The following HMCN1 variants were observed in gnomAD, a reference collection of about 807,000 sequenced individuals.
HMCN1 encodes hemicentin 1.
HMCN1 carries 321 observed loss-of-function variants against 625.9 expected under a neutral mutation model. That is an observed-to-expected ratio of 0.51 (90% CI 0.47 to 0.56). The LOEUF (loss-of-function observed/expected upper bound fraction) is 0.56, where lower values mean the gene tolerates loss of function less well. Among genes scored for constraint, HMCN1 ranks in the 20% least tolerant of loss-of-function variants. The pLI is 0.00. For missense variants in HMCN1, 6,588 were observed against 6,887.3 expected (o/e 0.96, Z 1.54); for synonymous variants, 2,425 against 2,417.6 (o/e 1.00, Z -0.09).
chr1:185,951,698 C>T (rs145269386), intron 11 of HMCN1, among the ~76,000 whole-genome samples: 17,014 of 149,996 alleles, frequency 0.11, 2,218 homozygotes, highest in African/African-American at 0.36. Context: ...TGGGACGTGG[C>T]TTAGGAGGAA....
chr1:185,745,699 A>C (rs1654343640), intron 1 of HMCN1, among the ~76,000 whole-genome samples: 1 of 152,210 alleles, frequency 6.6e-6, no homozygotes, highest in South Asian at 2.1e-4. Context: ...AATTTATCAA[A>C]GTCTCTCTGT....
At chr1:185,822,730 G>A (rs1377382585) in intron 1 of HMCN1, among the ~76,000 whole-genome samples, 2 of 152,112 alleles carry the variant, frequency 1.3e-5, no homozygotes, top group Admixed American at 6.5e-5. Context: ...TGCATCCAAA[G>A]TAAGTAGTTT....
intron 4 of HMCN1, among the ~76,000 whole-genome samples, chr1:185,881,615 G>A (rs1156631691): frequency 6.6e-6 from 1 of 152,098 alleles, no homozygotes; most frequent in Non-Finnish European, 1.5e-5. Context: ...TTTTGGCTTG[G>A]GATTTTTGCT....
chr1:185,982,068 C>G (rs898949758), intron 17 of HMCN1, among the ~76,000 whole-genome samples, 194 bp from the exon 18 acceptor site: 1 of 152,140 alleles, frequency 6.6e-6, no homozygotes, highest in Non-Finnish European at 1.5e-5. Context: ...ATTACCTGTC[C>G]TTTTGCATTC....
chr1:185,845,665 CT>C (rs1337617714), intron 1 of HMCN1, among the ~76,000 whole-genome samples: 1 of 152,216 alleles, frequency 6.6e-6, no homozygotes. Context: ...GTTGGGCAGA[CT>C]GAATTATAGA....
chr1:186,052,653 C>G (rs770691624), intron 42 of HMCN1, among the ~76,000 whole-genome samples: 1 of 151,880 alleles, frequency 6.6e-6, no homozygotes, highest in Non-Finnish European at 1.5e-5. Context: ...TATCTTGCAT[C>G]AAATATACAT....
intron 1 of HMCN1, among the ~76,000 whole-genome samples, chr1:185,789,138 A>G (rs1416638161): frequency 1.3e-5 from 2 of 152,258 alleles, no homozygotes; most frequent in Admixed American, 6.5e-5. Context: ...ATAAAAAAGT[A>G]GTCATAAACA....
intron 97 of HMCN1, among the ~76,000 whole-genome samples, chr1:186,162,644 A>AGCTGCAAGTCTGTTGGAGTTT (rs1651580210): frequency 6.6e-6 from 1 of 152,184 alleles, no homozygotes; most frequent in South Asian, 2.1e-4. Context: ...CAGGACCCTC[A>AGCTGCAAGTCTGTTGGAGTTT]GCTGCAAGTC....
chr1:186,036,595 C>CTT (rs199705709), intron 36 of HMCN1, among the ~76,000 whole-genome samples: 1 of 145,138 alleles, frequency 6.9e-6, no homozygotes, highest in South Asian at 2.2e-4. Context: ...AGTATTTTTT[C>CTT]TTTTTTTTTT....
At chr1:185,793,842 G>T (rs1267632132) in intron 1 of HMCN1, among the ~76,000 whole-genome samples, 1 of 152,078 alleles carries the variant, frequency 6.6e-6, no homozygotes, top group African/African-American at 2.4e-5. Flanking sequence ...GCTTAGTTGA[G>T]AATACTGGAA....
rs1656017126 is a variant in HMCN1, at chr1:186,038,898, A to G, written c.5921A>G (p.Gln1974Arg). The G allele has an allele frequency of 3.7e-6, 6 of 1,603,288 alleles. No individual in the cohort carries two copies. The East Asian group carries it at 1.3e-4, about 36-fold the overall frequency. The change falls in exon 38 of 107, where the codon CAG (glutamine) becomes CGG (arginine). Residue 1974 changes from glutamine (Q) to arginine (R), a missense_variant. Gln to Arg is a conservative substitution (Grantham distance 43, BLOSUM62 1). Transcript: ENST00000271588. ...STSMTFLNRG[Q>R]IIDIESAQIS... ...AGCATGACTTTCTTGAACAGAGGACAGATCATTGATATTGAAAGTGCCCAG... is the reference window on the plus strand; with the variant it reads ...AGCATGACTTTCTTGAACAGAGGACGGATCATTGATATTGAAAGTGCCCAG...
At chr1:186,137,778 G>A (rs375426144) in intron 88 of HMCN1, 24 bp from the exon 89 acceptor site, 79 of 1,613,924 alleles carry the variant, frequency 4.9e-5, no homozygotes, top group Non-Finnish European at 6.3e-5. Flanking sequence ...ATACCTGATG[G>A]TGTAATGGTT....
intron 2 of HMCN1, among the ~76,000 whole-genome samples, chr1:185,850,679 G>C (rs1323982465): frequency 6.6e-6 from 1 of 152,072 alleles, no homozygotes; most frequent in African/African-American, 2.4e-5. Context: ...CCTTTGTTCA[G>C]AAAAATAATT....
chr1:185,923,790 A>G, intron 8 of HMCN1, 137 bp downstream of exon 8: 1 of 741,710 alleles, frequency 1.3e-6, no homozygotes, highest in Non-Finnish European at 2.3e-6. Flanking sequence ...ATGGATATTT[A>G]CATGTACGGT....
intron 46 of HMCN1, among the ~76,000 whole-genome samples, chr1:186,059,123 A>G (rs1379507489): frequency 6.6e-6 from 1 of 152,002 alleles, no homozygotes; most frequent in Non-Finnish European, 1.5e-5. Context: ...TTATTGTCAT[A>G]GACAACCTGG....
At chr1:186,026,285 A>G (rs1364865246) in intron 36 of HMCN1, among the ~76,000 whole-genome samples, 1 of 152,210 alleles carries the variant, frequency 6.6e-6, no homozygotes, top group Non-Finnish European at 1.5e-5. Context: ...CTATATAAGA[A>G]TAGGATGTGA....
rs778358768 is a variant in HMCN1 at position 186,000,150 on chromosome 1, C to T, written c.3980C>T (p.Ser1327Phe). ...GATGGCACATTGCTGGTTATTGCTT[C>T]TGTTACACCCTATGACAATGGGGAG... Reference protein sequence around the residue: ...LEDGTLLVIASVTPYDNGEYI... With the variant: ...LEDGTLLVIAFVTPYDNGEYI... The change falls in exon 26 of 107, where the codon TCT becomes TTT. Residue 1327 changes from serine (S) to phenylalanine (F), a missense_variant. Ser to Phe is a radical substitution (Grantham distance 155). Transcript: ENST00000271588. The T allele has an allele frequency of 6.2e-7, 1 of 1,613,142 alleles. No homozygotes were observed. The highest frequency in any genetic ancestry group is 8.5e-7 in the Non-Finnish European group (1 of 1,179,346).
At chr1:186,172,659 A>G (rs1306121275) in intron 102 of HMCN1, among the ~76,000 whole-genome samples, 3 of 152,196 alleles carry the variant, frequency 2.0e-5, no homozygotes, top group Non-Finnish European at 1.5e-5. Flanking sequence ...TGTTCTGTGT[A>G]TGTCTAGGCT....
intron 73 of HMCN1, among the ~76,000 whole-genome samples, 191 bp downstream of exon 73, chr1:186,114,314 T>C (rs1248948325): frequency 6.6e-6 from 1 of 152,170 alleles, no homozygotes; most frequent in Non-Finnish European, 1.5e-5. Context: ...TGGAGTGCAG[T>C]GGCATGATCT....
Sources: allele counts gnomAD v4.1 joint callset (sites outside exome capture counted in the v4.1 genomes callset), GRCh38; gene constraint gnomAD v4.1.1; transcripts MANE v1.5; gene names NCBI Gene and HGNC (gene_info 2026-07-23, HGNC 2026-07-21).